DCDC2: variants seen among roughly 807,000 people sequenced by gnomAD.
The protein encoded by DCDC2 is doublecortin domain-containing protein 2.
In DCDC2, 40 loss-of-function variants were observed where a neutral mutation model predicts 50.2. The observed-to-expected ratio is 0.80, with a 90% CI of 0.62 to 1.04. The LOEUF (loss-of-function observed/expected upper bound fraction) is 1.04, where lower values mean the gene tolerates loss of function less well. Among genes scored for constraint, DCDC2 ranks in the 50% least tolerant of loss-of-function variants. The pLI, the probability that DCDC2 is intolerant of heterozygous loss-of-function variation, is 0.00. For synonymous variants in DCDC2, 234 were observed against 210.6 expected, an observed-to-expected ratio of 1.11 and a Z score of -0.96; for missense variants, 570 against 581.9, an observed-to-expected ratio of 0.98 and a Z score of 0.21.
intron 7 of DCDC2, among the ~76,000 whole-genome samples, chr6:24,264,766 T>TCAATAATA (rs758965567): frequency 7.9e-5 from 12 of 151,046 alleles, no homozygotes; most frequent in Non-Finnish European, 1.6e-4. Flanking sequence ...CCCTTACGTA[T>TCAATAATA]CAATAATAAG....
upstream of DCDC2, chr6:24,358,206 A>T (rs900256797): frequency 4.7e-5 from 16 of 338,018 alleles, no homozygotes; most frequent in African/African-American, 1.1e-4. Context: ...CAAACAGCCT[A>T]ATTTTTCTTT....
At chr6:24,342,124 T>C (rs1224933461) in intron 2 of DCDC2, among the ~76,000 whole-genome samples, 1 of 152,212 alleles carries the variant, frequency 6.6e-6, no homozygotes, top group Non-Finnish European at 1.5e-5. Flanking sequence ...CTTCCCTTAT[T>C]CCTTTAATGC....
intron 8 of DCDC2, among the ~76,000 whole-genome samples, chr6:24,185,115 T>A (rs1362905756): frequency 6.6e-6 from 1 of 152,216 alleles, no homozygotes; most frequent in Non-Finnish European, 1.5e-5. Context: ...TTCTCAGCCT[T>A]ACCTCTTTCT....
chr6:24,293,296 C>T (rs1763789576), intron 4 of DCDC2, among the ~76,000 whole-genome samples: 1 of 152,108 alleles, frequency 6.6e-6, no homozygotes, highest in African/African-American at 2.4e-5. Flanking sequence ...CTACTTTCTT[C>T]TTTTGCTACA....
In DCDC2 at chr6:24,173,681, C is replaced by A. The variant is rs960310175; in HGVS notation, c.*1049G>T. 6.6e-6 allele frequency: 1 copy of A among 152,098 alleles called. No individual in the cohort carries two copies. The highest frequency in any genetic ancestry group is 2.4e-5 in the African/African-American group (1 of 41,438). The allele number at this position is 152,098 out of a possible 1,614,324, so 9.4% of individuals were successfully genotyped here. A position where few individuals can be genotyped will look rare whatever the true frequency, so the allele number is the denominator to read the frequency against. ...AGATGCCTTCTAATTACAAAGAAAT[C>A]TGCTTGAAATTCTAACTATATCATG... On this transcript the variant is annotated 3_prime_UTR_variant, in exon 10 of 10. Coordinates refer to ENST00000378454, the MANE Select transcript of DCDC2 (RefSeq NM_016356.5).
chr6:24,237,031 A>G (rs1087288), intron 7 of DCDC2, among the ~76,000 whole-genome samples: 1 of 151,042 alleles, frequency 6.6e-6, no homozygotes, highest in Non-Finnish European at 1.5e-5. Context: ...GAAGAAGTGG[A>G]CAAAGGACAT....
At chr6:24,358,899 A>ATATATTATATATT (rs1561788477), upstream of DCDC2, among the ~76,000 whole-genome samples, 1 of 21,498 alleles carries the variant, frequency 4.7e-5, no homozygotes, top group African/African-American at 2.2e-4. Context: ...TTATATATAT[A>ATATATTATATATT]ATATATTATA....
Position 24,334,190 on chromosome 6 carries a change from T to C in DCDC2, c.348+19379A>G, listed in dbSNP as rs536531184. On this transcript the variant is annotated intron_variant, in intron 2 of 9. Coordinates refer to ENST00000378454, the MANE Select transcript of DCDC2 (RefSeq NM_016356.5). ...GAACTAACATTGGACAAAGTATCAT[T>C]CTCTTCTGAAGGTTGTACATAGAGA... 4.6e-5 allele frequency among the ~76,000 whole-genome samples: 7 copies of C among 152,250 alleles called. No individual in the cohort carries two copies. The South Asian group carries it at 1.5e-3, about 32-fold the overall frequency.
At chr6:24,348,179 G>A (rs1760302437) in intron 2 of DCDC2, among the ~76,000 whole-genome samples, 6 of 152,188 alleles carry the variant, frequency 3.9e-5, no homozygotes. Flanking sequence ...TGACAAAGAG[G>A]CAGGAGGGTT....
intron 7 of DCDC2, among the ~76,000 whole-genome samples, chr6:24,270,869 G>T (rs1398416077): frequency 6.6e-6 from 1 of 152,026 alleles, no homozygotes. Flanking sequence ...TCAGTCTTTG[G>T]TATGCCAGAA....
intron 7 of DCDC2, among the ~76,000 whole-genome samples, chr6:24,273,078 A>AT (rs1418029659): frequency 5.7e-5 from 5 of 87,514 alleles, no homozygotes; most frequent in African/African-American, 1.8e-4. Flanking sequence ...CATACATATA[A>AT]ACACACACAG....
At chr6:24,175,409 C>T (rs149216263) in intron 9 of DCDC2, among the ~76,000 whole-genome samples, 107 of 152,292 alleles carry the variant, frequency 7.0e-4, no homozygotes, top group African/African-American at 2.4e-3. Flanking sequence ...TCCCCGACTA[C>T]ACTGAAAACT....
intron 4 of DCDC2, among the ~76,000 whole-genome samples, chr6:24,296,576 A>G (rs931752426): frequency 6.6e-6 from 1 of 152,238 alleles, no homozygotes; most frequent in African/African-American, 2.4e-5. Flanking sequence ...TGCATCTGAC[A>G]AAGGTCTAAT....
At chr6:24,368,696 A>T in the DCDC2 span, among the ~76,000 whole-genome samples, 3 of 151,776 alleles carry the variant, frequency 2.0e-5, no homozygotes, top group South Asian at 6.3e-4. Flanking sequence ...AGAAAAAAAA[A>T]AAATTGACGA....
At chr6:24,265,709 A>G (rs1341571095) in intron 7 of DCDC2, among the ~76,000 whole-genome samples, 5 of 152,156 alleles carry the variant, frequency 3.3e-5, no homozygotes, top group Admixed American at 6.5e-5. Context: ...ATTTCTGCAA[A>G]CAAATGAAAA....
chr6:24,358,016 AC>A lies in DCDC2; in HGVS notation c.-267del. 1 of 1,254,278 alleles carries A rather than the reference AC, an allele frequency of 8.0e-7. No individual in the cohort carries two copies. Among genetic ancestry groups the A allele is most frequent in the African/African-American group, 1.5e-5 (1 of 66,186 alleles). The allele number at this position is 1,254,278 out of a possible 1,614,324, so 77.7% of individuals were successfully genotyped here. ...TCAGGACCCGCAGTGCGCGCACCAC[AC>A]CAGGTTCACCTGCTACGGGCAGAAT... On this transcript the variant is annotated 5_prime_UTR_variant, in exon 1 of 10. Coordinates refer to ENST00000378454, the MANE Select transcript of DCDC2 (RefSeq NM_016356.5).
chr6:24,256,123 T>C (rs1181502467), intron 7 of DCDC2, among the ~76,000 whole-genome samples: 3 of 152,108 alleles, frequency 2.0e-5, no homozygotes, highest in African/African-American at 7.2e-5. Context: ...AAACCAAGCA[T>C]AAAAGGTTAC....
At chr6:24,314,087 A>G (rs995408910) in intron 2 of DCDC2, among the ~76,000 whole-genome samples, 2 of 152,232 alleles carry the variant, frequency 1.3e-5, no homozygotes, top group African/African-American at 2.4e-5. Flanking sequence ...CATTTCAGCA[A>G]TCTCTCCAAG....
intron 8 of DCDC2, among the ~76,000 whole-genome samples, chr6:24,199,907 G>T (rs1006942175): frequency 1.3e-5 from 2 of 152,140 alleles, no homozygotes; most frequent in South Asian, 2.1e-4. Flanking sequence ...TGGAAGAAAG[G>T]ATATCAGAGA....
Sources: gnomAD v4.1 joint callset for allele counts (sites outside exome capture counted in the v4.1 genomes callset) on GRCh38, gnomAD v4.1.1 for gene constraint, MANE v1.5 for transcripts, NCBI Gene and HGNC (gene_info 2026-07-23, HGNC 2026-07-21) for gene names.